Variants in TRIM71 observed in about 807,000 individuals in gnomAD.
The protein encoded by TRIM71 is tripartite motif containing 71, also known as E3 ubiquitin-protein ligase TRIM71.
A neutral mutation model predicts 61.2 loss-of-function variants in TRIM71; 9 were observed. The observed-to-expected ratio is 0.15, with a 90% CI of 0.09 to 0.26. The LOEUF (loss-of-function observed/expected upper bound fraction) is 0.26, where lower values mean the gene tolerates loss of function less well. Among genes scored for constraint, TRIM71 ranks in the 10% least tolerant of loss-of-function variants. The probability of loss-of-function intolerance (pLI) is 1.00; values close to 1 mark genes in which losing one functional copy is unlikely to be tolerated. For synonymous variants in TRIM71, 645 were observed against 553.2 expected (o/e 1.17, Z -2.33); for missense variants, 998 against 1,238.7 (o/e 0.81, Z 2.92).
chr3:32,852,862 A>C (rs1223762668), intron 1 of TRIM71, among the ~76,000 whole-genome samples: 2 of 152,212 alleles, frequency 1.3e-5, no homozygotes, highest in Non-Finnish European at 2.9e-5. Flanking sequence ...CACGAAGAGA[A>C]TAGCAAAAGG....
In TRIM71 at chr3:32,890,500, G is replaced by A; in HGVS notation, c.1296G>A (p.Leu432=). 1.2e-6 allele frequency: 2 copies of A among 1,614,196 alleles called. No homozygotes were observed. The highest frequency in any genetic ancestry group is 1.7e-6 in the Non-Finnish European group (2 of 1,180,048). The change falls in exon 4 of 4, where the codon CTG becomes CTA. Residue 432 remains leucine (L), a synonymous_variant. Coordinates refer to ENST00000383763, the MANE Select transcript of TRIM71 (RefSeq NM_001039111.3). The surrounding 1 kb of genome is among the most constrained non-coding windows in gnomAD (Gnocchi z 6.2). The part of the protein sequence containing the change: ...LEEGRALDIL[L]ARDRMLAQVQ... Reference sequence around the variant, plus strand: ...AGGGTAGAGCGCTAGACATCCTACTGGCCCGAGACCGGATGCTGGCCCAGG... The same window carrying A: ...AGGGTAGAGCGCTAGACATCCTACTAGCCCGAGACCGGATGCTGGCCCAGG...
intron 1 of TRIM71, among the ~76,000 whole-genome samples, chr3:32,825,919 G>C (rs943053649): frequency 2.6e-5 from 4 of 152,100 alleles, no homozygotes; most frequent in African/African-American, 4.8e-5. Flanking sequence ...AAACTGAGTT[G>C]ACTGAAACCA....
chr3:32,890,778 C>T lies in TRIM71; in HGVS notation c.1574C>T (p.Ser525Leu), dbSNP rs750630215. The T allele has an allele frequency of 2.5e-6, 4 of 1,614,158 alleles. No individual in the cohort carries two copies. Among genetic ancestry groups the T allele is most frequent in the Non-Finnish European group, 3.4e-6 (4 of 1,180,038 alleles). The change falls in exon 4 of 4, where the codon TCG (serine) becomes TTG (leucine). Residue 525 changes from serine (S) to leucine (L), a missense_variant. Physicochemically the swap from Ser to Leu is moderately radical, Grantham distance 145 (BLOSUM62 -2). This residue lies in a region of TRIM71 where 291 missense variants were observed against 431.2 expected (regional missense o/e 0.67). Transcript: ENST00000383763. The surrounding 1 kb of genome is among the most constrained non-coding windows in gnomAD (Gnocchi z 6.2). ...EPRLSGGDLMSAVVLGPDGNL... is the reference protein window; with the variant it reads ...EPRLSGGDLMLAVVLGPDGNL... Reference sequence around the variant, plus strand: ...CGCCTCTCAGGAGGCGACCTGATGTCGGCTGTGGTCCTGGGCCCTGATGGC... The same window carrying T: ...CGCCTCTCAGGAGGCGACCTGATGTTGGCTGTGGTCCTGGGCCCTGATGGC...
chr3:32,835,190 A>G (rs932068152), intron 1 of TRIM71, among the ~76,000 whole-genome samples: 6 of 152,228 alleles, frequency 3.9e-5, no homozygotes, highest in African/African-American at 1.4e-4. Context: ...CGTTATTGGC[A>G]TGTTACGGAC....
At chr3:32,842,354 T>C (rs1696416555) in intron 1 of TRIM71, among the ~76,000 whole-genome samples, 1 of 152,228 alleles carries the variant, frequency 6.6e-6, no homozygotes, top group Non-Finnish European at 1.5e-5. Context: ...TGCCTGTGTT[T>C]GTCTTCTTTG....
chr3:32,858,190 A>G (rs969810998), intron 1 of TRIM71, among the ~76,000 whole-genome samples: 1 of 152,128 alleles, frequency 6.6e-6, no homozygotes, highest in African/African-American at 2.4e-5. Context: ...TCAAGGGTCA[A>G]CTGTATTTTG....
intron 2 of TRIM71, among the ~76,000 whole-genome samples, chr3:32,876,723 CTG>C (rs554365899): frequency 2.0e-5 from 3 of 152,298 alleles, no homozygotes; most frequent in African/African-American, 7.2e-5. Flanking sequence ...CTGGTGCTCT[CTG>C]TGCTTAGTGG....
At chr3:32,851,473 T>G (rs1161543384) in intron 1 of TRIM71, among the ~76,000 whole-genome samples, 1 of 152,120 alleles carries the variant, frequency 6.6e-6, no homozygotes, top group African/African-American at 2.4e-5. Context: ...AAACTTTGTT[T>G]TTTGTTTTTG....
intron 1 of TRIM71, among the ~76,000 whole-genome samples, chr3:32,869,577 AT>A (rs1338703830): frequency 3.9e-5 from 6 of 152,262 alleles, no homozygotes; most frequent in Non-Finnish European, 7.3e-5. Flanking sequence ...ACACACGTTC[AT>A]TAACAAAGCA....
rs1697073590 is a variant in TRIM71, at chr3:32,896,008, A to G, written c.*4197A>G. 6.6e-6 allele frequency: 1 copy of G among 152,208 alleles called. No individual in the cohort carries two copies. Among genetic ancestry groups the G allele is most frequent in the South Asian group, 2.1e-4 (1 of 4,820 alleles). The allele number at this position is 152,208 out of a possible 1,614,324, so 9.4% of individuals were successfully genotyped here. ...ACCTTGAAAGAGAAATGTCAGGCAA[A>G]TGTAGTCATAAATCCAAGTAGTTCT... On this transcript the variant is annotated 3_prime_UTR_variant, in exon 4 of 4. Coordinates refer to ENST00000383763, the MANE Select transcript of TRIM71 (RefSeq NM_001039111.3).
chr3:32,882,781 A>G (rs772328736), intron 2 of TRIM71, among the ~76,000 whole-genome samples: 3 of 152,144 alleles, frequency 2.0e-5, no homozygotes, highest in Non-Finnish European at 4.4e-5. Context: ...GGCTTAAGCT[A>G]TCCTCCTGCC....
Position 32,890,636 on chromosome 3 carries a change from G to A in TRIM71, c.1432G>A (p.Val478Ile), listed in dbSNP as rs1177490902. Residue 478 changes from valine (V) to isoleucine (I), a missense_variant, in exon 4 of 4, where the codon GTT (valine) becomes ATT (isoleucine). Physicochemically the swap from Val to Ile is conservative, Grantham distance 29. This residue lies in a region of TRIM71 where 291 missense variants were observed against 431.2 expected (regional missense o/e 0.67). Coordinates refer to ENST00000383763, the MANE Select transcript of TRIM71 (RefSeq NM_001039111.3). The surrounding 1 kb of genome is among the most constrained non-coding windows in gnomAD (Gnocchi z 6.2). ...LYLAIKSFGFVSSGAFAPLTK... is the reference protein window; with the variant it reads ...LYLAIKSFGFISSGAFAPLTK... ...CCTTGCCATCAAGTCTTTTGGCTTT[G>A]TTAGCAGCGGGGCCTTTGCCCCACT... is the stretch of plus-strand genomic sequence containing the variant. 1 of 1,613,792 alleles carries A rather than the reference G, an allele frequency of 6.2e-7. No individual in the cohort carries two copies. Among genetic ancestry groups the A allele is most frequent in the African/African-American group, 1.3e-5 (1 of 74,934 alleles).
At chr3:32,858,547 G>A (rs1696631502) in intron 1 of TRIM71, among the ~76,000 whole-genome samples, 3 of 152,174 alleles carry the variant, frequency 2.0e-5, no homozygotes, top group South Asian at 4.1e-4. Context: ...GGAGGCCCAG[G>A]AGGAAGTTCT....
chr3:32,844,947 GT>G (rs929558557), intron 1 of TRIM71, among the ~76,000 whole-genome samples: 2 of 152,226 alleles, frequency 1.3e-5, no homozygotes, highest in African/African-American at 4.8e-5. Context: ...TGAAGACTGA[GT>G]TTTTGGGCTG....
At chr3:32,878,834 C>T (rs542615127) in intron 2 of TRIM71, among the ~76,000 whole-genome samples, 2 of 152,238 alleles carry the variant, frequency 1.3e-5, no homozygotes, top group South Asian at 2.1e-4. Flanking sequence ...AGAGTCAGCC[C>T]GTCCATTGAA....
intron 1 of TRIM71, among the ~76,000 whole-genome samples, chr3:32,848,770 G>A (rs1696505610): frequency 6.6e-6 from 1 of 152,146 alleles, no homozygotes; most frequent in African/African-American, 2.4e-5. Context: ...ACCCAGTGGA[G>A]TCTGGGGATG....
At chr3:32,843,877 C>A (rs1217778591) in intron 1 of TRIM71, among the ~76,000 whole-genome samples, 1 of 152,000 alleles carries the variant, frequency 6.6e-6, no homozygotes, top group Admixed American at 6.6e-5. Context: ...GGGCCCTGCC[C>A]GCCCACCCTG....
At chr3:32,887,171 C>A (rs1696970049) in intron 3 of TRIM71, among the ~76,000 whole-genome samples, 1 of 152,124 alleles carries the variant, frequency 6.6e-6, no homozygotes, top group East Asian at 1.9e-4. Context: ...TTCTGGATTT[C>A]CTGATGAAAA....
rs1372776105 is a variant in TRIM71, at chr3:32,894,543, A to G, written c.*2732A>G. The stretch of plus-strand genomic sequence containing the variant: ...ACCTCTTTGTCCTCAGTGGTGGTAT[A>G]TCTATCTCCTTACCTTTCTGTACCC... On this transcript the variant is annotated 3_prime_UTR_variant, in exon 4 of 4. Coordinates refer to ENST00000383763, the MANE Select transcript of TRIM71 (RefSeq NM_001039111.3). The G allele has an allele frequency of 6.6e-6, 1 of 152,196 alleles. No individual in the cohort carries two copies. The highest frequency in any genetic ancestry group is 2.4e-5 in the African/African-American group (1 of 41,448). 9.4% of individuals were successfully genotyped at this position (152,196 alleles called of 1,614,324 possible).
Sources: allele counts gnomAD v4.1 joint callset (sites outside exome capture counted in the v4.1 genomes callset), GRCh38; gene constraint gnomAD v4.1.1; regional missense constraint gnomAD v4.1.1; non-coding constraint Gnocchi (gnomAD v3.1); transcripts MANE v1.5; gene names NCBI Gene and HGNC (gene_info 2026-07-23, HGNC 2026-07-21).